Variants in DIAPH3 observed in about 807,000 individuals in gnomAD.
DIAPH3 encodes the protein protein diaphanous homolog 3.
Under a neutral mutation model 144.3 loss-of-function variants are expected in DIAPH3, and 117 were observed. The observed-to-expected ratio is 0.81, with a 90% CI of 0.70 to 0.95. The LOEUF (loss-of-function observed/expected upper bound fraction) is 0.95, where lower values mean the gene tolerates loss of function less well. Ranked by LOEUF, DIAPH3 falls within the 40% of genes least tolerant of loss-of-function variation. The pLI is 0.00. For missense variants in DIAPH3, 1,421 were observed against 1,412.7 expected (o/e 1.01, Z -0.09); for synonymous variants, 519 against 488.9 (o/e 1.06, Z -0.81).
At chr13:59,822,447 TA>T (rs200754949) in intron 24 of DIAPH3, among the ~76,000 whole-genome samples, 8 of 151,960 alleles carry the variant, frequency 5.3e-5, no homozygotes, top group Middle Eastern at 3.4e-3. Flanking sequence ...TTTATTTATT[TA>T]TTTTTTTTTG....
At chr13:59,761,301 C>T (rs547342596) in intron 27 of DIAPH3, among the ~76,000 whole-genome samples, 51 of 152,068 alleles carry the variant, frequency 3.4e-4, no homozygotes, top group Non-Finnish European at 2.5e-4. Flanking sequence ...AAAAAGTCAA[C>T]GATTATAACT....
At chr13:60,080,361 A>AC (rs1164190816) in intron 4 of DIAPH3, among the ~76,000 whole-genome samples, 3 of 151,928 alleles carry the variant, frequency 2.0e-5, no homozygotes, top group African/African-American at 7.2e-5. Context: ...GAGTTTAATT[A>AC]CTTAATGTGC....
chr13:60,070,932 C>A (rs1594580161), intron 4 of DIAPH3, among the ~76,000 whole-genome samples: 1 of 152,114 alleles, frequency 6.6e-6, no homozygotes, highest in African/African-American at 2.4e-5. Context: ...ATAGCTAAAG[C>A]TTTTGAAATT....
Position 60,008,566 on chromosome 13 carries a change from CG to C in DIAPH3, c.991del (p.Arg331GlyfsTer9). ...DRFFCIVEGL[R>X]HNSVQLQVAC... Reference sequence around the variant, plus strand: ...TACTTGCAGTTGAACTGAATTGTGCCGGAGGCCTTCCACAATACAAAAAAAT... The same window carrying C: ...TACTTGCAGTTGAACTGAATTGTGCCGAGGCCTTCCACAATACAAAAAAAT... On this transcript the variant is annotated frameshift_variant, in exon 9 of 28. Transcript: ENST00000400324. LOFTEE classifies it high-confidence loss of function. 1.9e-6 allele frequency: 3 copies of C among 1,613,164 alleles called. No homozygotes were observed. Among genetic ancestry groups the C allele is most frequent in the Non-Finnish European group, 2.5e-6 (3 of 1,179,552 alleles).
intron 22 of DIAPH3, among the ~76,000 whole-genome samples, chr13:59,846,062 T>A (rs1327392753): frequency 6.6e-6 from 1 of 152,164 alleles, no homozygotes; most frequent in African/African-American, 2.4e-5. Context: ...CTTATTATTA[T>A]GATAATTATA....
chr13:60,066,939 T>C (rs1019022372), intron 4 of DIAPH3, among the ~76,000 whole-genome samples: 2 of 152,204 alleles, frequency 1.3e-5, no homozygotes, highest in East Asian at 1.9e-4. Context: ...AGGAACTATA[T>C]GTTTATGGAA....
At chr13:59,887,706 T>A (rs1166660492) in intron 20 of DIAPH3, among the ~76,000 whole-genome samples, 3 of 152,152 alleles carry the variant, frequency 2.0e-5, no homozygotes, top group Non-Finnish European at 4.4e-5. Flanking sequence ...GTTCTATAAA[T>A]ATCAGAACAA....
intron 1 of DIAPH3, among the ~76,000 whole-genome samples, chr13:60,144,408 A>G (rs1033315291): frequency 1.3e-5 from 2 of 152,172 alleles, no homozygotes; most frequent in Non-Finnish European, 2.9e-5. Flanking sequence ...AGATCCCCAC[A>G]TGTAAACAAG....
At chr13:60,112,616 A>G (rs893165223) in intron 2 of DIAPH3, among the ~76,000 whole-genome samples, 4 of 151,928 alleles carry the variant, frequency 2.6e-5, no homozygotes, top group Admixed American at 2.6e-4. Context: ...TGTCTCTCGG[A>G]GTGGGGGTGG....
chr13:59,894,935 T>C (rs779821429), intron 20 of DIAPH3, among the ~76,000 whole-genome samples: 2 of 152,042 alleles, frequency 1.3e-5, no homozygotes, highest in Non-Finnish European at 2.9e-5. Flanking sequence ...ACTTCAGTAA[T>C]GCCACATAGC....
chr13:59,975,530 T>A (rs2050629991), intron 14 of DIAPH3, among the ~76,000 whole-genome samples: 1 of 151,978 alleles, frequency 6.6e-6, no homozygotes, highest in African/African-American at 2.4e-5. Flanking sequence ...CTTAACAGAC[T>A]ATTTTTTGGA....
chr13:60,151,350 C>A (rs574258954), intron 1 of DIAPH3, among the ~76,000 whole-genome samples: 1 of 152,264 alleles, frequency 6.6e-6, no homozygotes, highest in Non-Finnish European at 1.5e-5. Context: ...TGATAATTTG[C>A]CCAAGGATAT....
chr13:59,983,793 C>T lies in DIAPH3; in HGVS notation c.1456G>A (p.Asp486Asn), dbSNP rs770509780. 8 of 1,606,136 alleles carry T rather than the reference C, an allele frequency of 5.0e-6. No individual in the cohort carries two copies. In the South Asian group the frequency reaches 8.8e-5, roughly 18 times the overall value. Residue 486 changes from aspartate to asparagine, a missense_variant, in exon 13 of 28, where the codon GAT becomes AAT. Asp to Asn is a conservative substitution (Grantham distance 23, BLOSUM62 1). Transcript: ENST00000400324. ...CCTACAAACTGGGTTAAATCTAAAT[C>T]TAGTCTTTTTCGATATGTGAAGTCT... ...DPDFTYRKRL[D>N]LDLTQFVDIC...
intron 22 of DIAPH3, among the ~76,000 whole-genome samples, chr13:59,859,694 C>T (rs944328347): frequency 6.6e-6 from 1 of 151,952 alleles, no homozygotes; most frequent in Non-Finnish European, 1.5e-5. Context: ...CCCATTTGGT[C>T]AAAAAATCCA....
chr13:60,082,547 G>GA (rs35411094), intron 4 of DIAPH3, among the ~76,000 whole-genome samples: 42,434 of 150,362 alleles, frequency 0.28, 7,059 homozygotes, highest in African/African-American at 0.47. Flanking sequence ...CTTTTTGCTA[G>GA]AAAAAAAAAT....
At chr13:59,775,293 A>G (rs1317336431) in intron 25 of DIAPH3, among the ~76,000 whole-genome samples, 1 of 152,030 alleles carries the variant, frequency 6.6e-6, no homozygotes, top group Non-Finnish European at 1.5e-5. Flanking sequence ...CCCAGGCTGG[A>G]GTGCAGTGGT....
chr13:59,845,411 T>A (rs2042577727), intron 22 of DIAPH3, among the ~76,000 whole-genome samples: 1 of 152,136 alleles, frequency 6.6e-6, no homozygotes, highest in Non-Finnish European at 1.5e-5. Context: ...ACAGTTTTTC[T>A]CCAGCGTCAT....
intron 27 of DIAPH3, among the ~76,000 whole-genome samples, chr13:59,678,449 C>T (rs553860229): frequency 1.3e-5 from 2 of 152,214 alleles, no homozygotes; most frequent in Admixed American, 6.5e-5. Flanking sequence ...TTTCTATTTA[C>T]AGGTTTACAG....
chr13:60,123,842 C>T (rs1213866348), intron 2 of DIAPH3, among the ~76,000 whole-genome samples: 1 of 151,914 alleles, frequency 6.6e-6, no homozygotes, highest in Non-Finnish European at 1.5e-5. Context: ...TACAGAGAGC[C>T]TTATATCCTA....
Sources: gnomAD v4.1 joint callset for allele counts (sites outside exome capture counted in the v4.1 genomes callset) on GRCh38, gnomAD v4.1.1 for gene constraint, MANE v1.5 for transcripts, NCBI Gene and HGNC (gene_info 2026-07-23, HGNC 2026-07-21) for gene names.